HDGFL3: variants seen among roughly 807,000 people sequenced by gnomAD.
The protein encoded by HDGFL3 is hepatoma-derived growth factor-related protein 3.
Under a neutral mutation model 27.6 loss-of-function variants are expected in HDGFL3, and 6 were observed. The observed-to-expected ratio is 0.22, with a 90% confidence interval of 0.12 to 0.43. The LOEUF (loss-of-function observed/expected upper bound fraction) is 0.43, where lower values mean the gene tolerates loss of function less well. HDGFL3 is among the 20% of genes least tolerant of loss of function. The pLI, the probability that HDGFL3 is intolerant of heterozygous loss-of-function variation, is 1.00. For missense variants in HDGFL3, 207 were observed against 250.1 expected, an observed-to-expected ratio of 0.83 and a Z score of 1.16; for synonymous variants, 88 against 88.9, an observed-to-expected ratio of 0.99 and a Z score of 0.05.
chr15:83,131,273 A>G lies in HDGFL3; in HGVS notation c.*7997T>C, dbSNP rs1380619813. 6.6e-6 allele frequency: 1 copy of G among 152,124 alleles called. No homozygotes were observed. Among genetic ancestry groups the G allele is most frequent in the Admixed American group, 6.5e-5 (1 of 15,270 alleles). 9.4% of individuals were successfully genotyped at this position (152,124 alleles called of 1,614,324 possible). ...TAGTAAACTCTCAAGAATCTATGCA[A>G]CTTAGTAAGGGAAAAAAAAACCACC... On this transcript the variant is annotated 3_prime_UTR_variant, in exon 6 of 6. Transcript: ENST00000299633.
At chr15:83,115,543 G>T in exon 4 of HDGFL3, 1 of 505,382 alleles carries the variant, frequency 2.0e-6, no homozygotes, top group Non-Finnish European at 3.8e-6. Context: ...GGGGAGTGGA[G>T]GATGGGTGGA....
intron 1 of HDGFL3, among the ~76,000 whole-genome samples, chr15:83,187,192 T>C (rs2037454297): frequency 6.7e-6 from 1 of 148,876 alleles, no homozygotes; most frequent in Non-Finnish European, 1.5e-5. Context: ...ACATTGTTTG[T>C]TTGTTAATTG....
chr15:83,113,191 T>C (rs1456030490), exon 4 of HDGFL3: 1 of 474,880 alleles, frequency 2.1e-6, no homozygotes, highest in Non-Finnish European at 3.9e-6. Flanking sequence ...TCGACTCTCA[T>C]GCTAGCTCCT....
rs985756911 is a variant in HDGFL3, at chr15:83,207,316, G to A, written c.84+15C>T. On this transcript the variant is annotated intron_variant, in intron 1 of 5. Coordinates refer to ENST00000299633, the MANE Select transcript of HDGFL3 (RefSeq NM_016073.4). The surrounding 1 kb of genome is among the most constrained non-coding windows in gnomAD (Gnocchi z 4.8). ...ATGGTGGGCGGGCGGGCCCGCGCGC[G>A]GCCGCGGTACTCACCCGGGCCGGCC... is the stretch of plus-strand genomic sequence containing the variant. 3.7e-6 allele frequency: 5 copies of A among 1,347,712 alleles called. No individual in the cohort carries two copies. Among genetic ancestry groups the A allele is most frequent in the African/African-American group, 3.0e-5 (2 of 65,632 alleles). The allele number at this position is 1,347,712 out of a possible 1,614,324, so 83.5% of individuals were successfully genotyped here.
At chr15:83,125,703 T>A (rs1242710074), downstream of HDGFL3, among the ~76,000 whole-genome samples, 1 of 152,256 alleles carries the variant, frequency 6.6e-6, no homozygotes, top group African/African-American at 2.4e-5. Context: ...ATTCGAAGCC[T>A]GTTGGCGCGC....
At chr15:83,186,834 T>C (rs1215478150) in intron 1 of HDGFL3, among the ~76,000 whole-genome samples, 1 of 152,170 alleles carries the variant, frequency 6.6e-6, no homozygotes, top group African/African-American at 2.4e-5. Context: ...CGCAATATAA[T>C]GCATCCATGT....
intron 2 of HDGFL3, among the ~76,000 whole-genome samples, chr15:83,158,658 C>CA (rs1313352041): frequency 6.6e-6 from 1 of 152,152 alleles, no homozygotes; most frequent in African/African-American, 2.4e-5. Context: ...CCAGCATATC[C>CA]ATCATATTTG....
At chr15:83,190,428 T>C (rs553831547) in intron 1 of HDGFL3, among the ~76,000 whole-genome samples, 65 of 152,312 alleles carry the variant, frequency 4.3e-4, no homozygotes, top group African/African-American at 1.5e-3. Context: ...TTCTTCAGTA[T>C]TGTATAAGAG....
intron 5 of HDGFL3, among the ~76,000 whole-genome samples, chr15:83,147,235 G>C (rs1055021730): frequency 2.0e-5 from 3 of 151,872 alleles, no homozygotes; most frequent in Admixed American, 6.6e-5. Context: ...GCCAATTTTT[G>C]TATTTTTAGT....
intron 1 of HDGFL3, among the ~76,000 whole-genome samples, chr15:83,177,479 A>C (rs1457268786): frequency 1.3e-5 from 2 of 152,238 alleles, no homozygotes; most frequent in African/African-American, 4.8e-5. Context: ...GAAAAATATA[A>C]ACTTGAATTA....
At chr15:83,193,377 A>T (rs1338518210) in intron 1 of HDGFL3, among the ~76,000 whole-genome samples, 2 of 152,198 alleles carry the variant, frequency 1.3e-5, no homozygotes, top group Non-Finnish European at 2.9e-5. Flanking sequence ...TCAAAACCAT[A>T]AGATACCACC....
At chr15:83,200,952 A>C (rs956926120) in intron 1 of HDGFL3, among the ~76,000 whole-genome samples, 1 of 151,894 alleles carries the variant, frequency 6.6e-6, no homozygotes, top group Non-Finnish European at 1.5e-5. Context: ...ATCTAGGTAA[A>C]AAGAAGACAG....
chr15:83,118,232 C>CGT (rs1375298234), intron 3 of HDGFL3, among the ~76,000 whole-genome samples: 7 of 60,334 alleles, frequency 1.2e-4, no homozygotes, highest in African/African-American at 8.4e-4. Context: ...TCTGTACGTA[C>CGT]ACACACACAC....
At chr15:83,158,134 T>C in intron 2 of HDGFL3, 93 bp from the exon 3 acceptor site, 2 of 1,062,246 alleles carry the variant, frequency 1.9e-6, no homozygotes, top group Non-Finnish European at 2.7e-6. Context: ...CAGAGCATAC[T>C]ATAGCAAACA....
chr15:83,175,865 C>CA (rs1350526378), intron 1 of HDGFL3, among the ~76,000 whole-genome samples: 1 of 151,354 alleles, frequency 6.6e-6, no homozygotes, highest in Non-Finnish European at 1.5e-5. Flanking sequence ...GTCTCAAAAA[C>CA]AAAAAACAAA....
At position 83,207,822 on chromosome 15, in the gene HDGFL3, T is replaced by A. The variant is rs2037744918; in HGVS notation, c.-408A>T. On this transcript the variant is annotated 5_prime_UTR_variant, in exon 1 of 6. Coordinates refer to ENST00000299633, the MANE Select transcript of HDGFL3 (RefSeq NM_016073.4). This position sits in a 1 kb window ranked among gnomAD's most constrained non-coding sequence, Gnocchi z 4.8. ...CCTCGCGTCTGCTCCGAATTCCTTC[T>A]CGGGCAGCGACCGCAAACACGATCT... The A allele has an allele frequency of 6.7e-6, 1 of 149,730 alleles. No individual in the cohort carries two copies. Among genetic ancestry groups the A allele is most frequent in the Non-Finnish European group, 1.5e-5 (1 of 67,260 alleles). 9.3% of individuals were successfully genotyped at this position (149,730 alleles called of 1,614,324 possible).
intron 1 of HDGFL3, among the ~76,000 whole-genome samples, chr15:83,165,682 C>T (rs1238064864): frequency 6.6e-6 from 1 of 150,476 alleles, no homozygotes; most frequent in Non-Finnish European, 1.5e-5. Flanking sequence ...GTAGTCCCAG[C>T]TACTCAGGAG....
chr15:83,142,346 TAAA>T (rs553102910), intron 5 of HDGFL3, among the ~76,000 whole-genome samples: 2 of 152,090 alleles, frequency 1.3e-5, no homozygotes, highest in African/African-American at 4.8e-5. Flanking sequence ...ATGCAGCCAT[TAAA>T]AAGAGTGAGA....
chr15:83,186,596 C>A (rs140618361), intron 1 of HDGFL3, among the ~76,000 whole-genome samples: 1 of 152,098 alleles, frequency 6.6e-6, no homozygotes. Flanking sequence ...TGGATGAAAC[C>A]GAAGGCCATT....
Sources: allele counts gnomAD v4.1 joint callset (sites outside exome capture counted in the v4.1 genomes callset), GRCh38; gene constraint gnomAD v4.1.1; non-coding constraint Gnocchi (gnomAD v3.1); transcripts MANE v1.5; gene names NCBI Gene and HGNC (gene_info 2026-07-23, HGNC 2026-07-21).